Variants in MTHFD1L observed in about 807,000 individuals in gnomAD.
MTHFD1L encodes the protein monofunctional C1-tetrahydrofolate synthase, mitochondrial.
MTHFD1L carries 81 observed loss-of-function variants against 119.5 expected under a neutral mutation model. The observed-to-expected ratio is 0.68, with a 90% CI of 0.57 to 0.82. The LOEUF (loss-of-function observed/expected upper bound fraction) is 0.82, where lower values mean the gene tolerates loss of function less well. Among genes scored for constraint, MTHFD1L ranks in the 40% least tolerant of loss-of-function variants. MTHFD1L has a pLI of 0.00. For synonymous variants in MTHFD1L, 430 were observed against 475.2 expected (o/e 0.90, Z 1.24); for missense variants, 1,125 against 1,253.4 (o/e 0.90, Z 1.55).
intron 20 of MTHFD1L, among the ~76,000 whole-genome samples, chr6:150,980,612 G>A (rs550125320): frequency 4.0e-5 from 6 of 150,752 alleles, no homozygotes; most frequent in South Asian, 4.2e-4. Context: ...GCATGGTGGC[G>A]CATGCCTATA....
intron 20 of MTHFD1L, among the ~76,000 whole-genome samples, chr6:150,998,266 A>G (rs949631614): frequency 2.0e-5 from 3 of 152,184 alleles, no homozygotes; most frequent in African/African-American, 7.2e-5. Flanking sequence ...TTGAGTTACT[A>G]CATTGTACGA....
At chr6:151,015,827 C>A in intron 24 of MTHFD1L, 134 bp downstream of exon 24, 1 of 1,107,658 alleles carries the variant, frequency 9.0e-7, no homozygotes, top group Non-Finnish European at 1.2e-6. Context: ...TGGCTCACGC[C>A]TGTAATCCCA....
chr6:151,021,919 A>T (rs1783996798), intron 24 of MTHFD1L: 1 of 415,336 alleles, frequency 2.4e-6, no homozygotes, highest in Admixed American at 2.6e-5. Context: ...GTTGAAAATC[A>T]TCTCTGTATC....
chr6:151,015,052 G>T, intron 23 of MTHFD1L, 72 bp downstream of exon 23: 2 of 1,257,658 alleles, frequency 1.6e-6, no homozygotes, highest in East Asian at 2.4e-5. Flanking sequence ...TTGTGTCTTG[G>T]GGTATTTGGT....
chr6:150,884,506 G>A (rs897304458), intron 5 of MTHFD1L, among the ~76,000 whole-genome samples: 7 of 151,974 alleles, frequency 4.6e-5, no homozygotes, highest in East Asian at 3.9e-4. Context: ...CAGTCCTGTC[G>A]TAGACTAACT....
intron 4 of MTHFD1L, 101 bp from the exon 5 acceptor site, chr6:150,882,661 C>A: frequency 1.2e-6 from 1 of 829,076 alleles, no homozygotes; most frequent in Non-Finnish European, 1.7e-6. Context: ...CAAACTATAA[C>A]AGATGCATTT....
chr6:151,036,142 G>T (rs1786129392), intron 25 of MTHFD1L, among the ~76,000 whole-genome samples: 1 of 152,180 alleles, frequency 6.6e-6, no homozygotes, highest in Non-Finnish European at 1.5e-5. Flanking sequence ...TGTCAACCGG[G>T]CACGGTGCTC....
At chr6:151,073,948 A>G (rs1194290817) in intron 26 of MTHFD1L, among the ~76,000 whole-genome samples, 1 of 152,216 alleles carries the variant, frequency 6.6e-6, no homozygotes, top group Non-Finnish European at 1.5e-5. Context: ...TAGAAACTAT[A>G]AACTCATACA....
chr6:150,989,539 A>G (rs1778773321), intron 20 of MTHFD1L, among the ~76,000 whole-genome samples: 1 of 152,250 alleles, frequency 6.6e-6, no homozygotes, highest in African/African-American at 2.4e-5. Context: ...TATTTTAAGT[A>G]ATAAAAGTTT....
intron 24 of MTHFD1L, among the ~76,000 whole-genome samples, chr6:151,025,972 A>T (rs936789066): frequency 6.6e-6 from 1 of 152,190 alleles, no homozygotes; most frequent in Non-Finnish European, 1.5e-5. Flanking sequence ...ATGGATCTTT[A>T]TTTCTAACAG....
chr6:150,974,557 C>A (rs1776270177), intron 20 of MTHFD1L, among the ~76,000 whole-genome samples: 4 of 152,030 alleles, frequency 2.6e-5, no homozygotes, highest in Admixed American at 2.6e-4. Context: ...TCCTCATTCT[C>A]CAGCCCCTGG....
chr6:151,099,589 C>A, intron 27 of MTHFD1L: 1 of 1,609,274 alleles, frequency 6.2e-7, no homozygotes, highest in East Asian at 2.2e-5. Context: ...GAAGTTCATC[C>A]GGCACCAGTC....
chr6:150,904,921 T>C (rs1360153091), intron 7 of MTHFD1L, among the ~76,000 whole-genome samples: 2 of 152,132 alleles, frequency 1.3e-5, no homozygotes, highest in African/African-American at 2.4e-5. Context: ...CTCCTGAAAG[T>C]CCTTTCATGG....
chr6:150,898,259 A>G (rs1328550975), intron 7 of MTHFD1L, among the ~76,000 whole-genome samples: 1 of 152,178 alleles, frequency 6.6e-6, no homozygotes, highest in Non-Finnish European at 1.5e-5. Context: ...GCACTCACCC[A>G]GCAACCCTGC....
chr6:150,922,723 AAC>A (rs1789198708), intron 10 of MTHFD1L, among the ~76,000 whole-genome samples: 2 of 148,100 alleles, frequency 1.4e-5, no homozygotes, highest in African/African-American at 5.0e-5. Flanking sequence ...GGCTCACTGC[AAC>A]CTCTACCTCC....
intron 1 of MTHFD1L, among the ~76,000 whole-genome samples, chr6:150,875,658 C>G (rs995850386): frequency 1.1e-4 from 16 of 152,150 alleles, no homozygotes; most frequent in Non-Finnish European, 1.5e-4. Context: ...TCTTCACCCC[C>G]CTAATCCCCT....
chr6:151,092,895 A>G (rs1282275560), intron 27 of MTHFD1L, among the ~76,000 whole-genome samples: 1 of 152,076 alleles, frequency 6.6e-6, no homozygotes, highest in Non-Finnish European at 1.5e-5. Flanking sequence ...AACTCTGTAA[A>G]CTCATTGTTC....
chr6:150,925,054 A>C (rs1397242850), intron 10 of MTHFD1L, among the ~76,000 whole-genome samples: 1 of 151,858 alleles, frequency 6.6e-6, no homozygotes, highest in Non-Finnish European at 1.5e-5. Context: ...CCTGGAGGAG[A>C]GTCTAGGGTG....
chr6:151,082,924 C>A (rs1210117143), intron 26 of MTHFD1L, among the ~76,000 whole-genome samples: 5 of 152,186 alleles, frequency 3.3e-5, no homozygotes, highest in Admixed American at 1.3e-4. Flanking sequence ...TTGCCCCACA[C>A]CTGAAAGTCT....
Sources: gnomAD v4.1 joint callset for allele counts (sites outside exome capture counted in the v4.1 genomes callset) on GRCh38, gnomAD v4.1.1 for gene constraint, MANE v1.5 for transcripts, NCBI Gene and HGNC (gene_info 2026-07-23, HGNC 2026-07-21) for gene names.